Variants in MNAT1 observed in about 807,000 individuals in gnomAD.
MNAT1 encodes the protein MNAT1 component of CDK activating kinase, also known as CDK-activating kinase assembly factor MAT1.
MNAT1 carries 43 observed loss-of-function variants against 42.0 expected under a neutral mutation model. That is an observed-to-expected ratio of 1.02 (90% CI 0.80 to 1.32). The LOEUF (loss-of-function observed/expected upper bound fraction) is 1.32. MNAT1 is among the 40% of genes most tolerant of loss of function. The pLI is 0.00. For synonymous variants in MNAT1, 118 were observed against 120.0 expected (o/e 0.98, Z 0.11); for missense variants, 306 against 350.4 (o/e 0.87, Z 1.01).
intron 5 of MNAT1, among the ~76,000 whole-genome samples, chr14:60,817,938 T>C (rs2032765046): frequency 6.6e-6 from 1 of 151,732 alleles, no homozygotes; most frequent in Non-Finnish European, 1.5e-5. Flanking sequence ...GAGAGATCTC[T>C]TCTTCCTCCT....
intron 7 of MNAT1, among the ~76,000 whole-genome samples, chr14:60,891,456 G>GTT (rs551603665): frequency 6.9e-6 from 1 of 145,558 alleles, no homozygotes; most frequent in Non-Finnish European, 1.5e-5. Context: ...TGTTTTGTTT[G>GTT]TTTTTTTTTT....
Position 60,960,740 on chromosome 14 carries a change from A to C in MNAT1, c.810-7489A>C, listed in dbSNP as rs897373396. Among the ~76,000 whole-genome samples the C allele has an allele frequency of 2.8e-4, 42 of 149,988 alleles. 2 individuals are homozygous for C. In the Middle Eastern group the frequency reaches 0.024, roughly 86 times the overall value. On this transcript the variant is annotated intron_variant, in intron 7 of 7. Coordinates refer to ENST00000261245, the MANE Select transcript of MNAT1 (RefSeq NM_002431.4). The stretch of plus-strand genomic sequence containing the variant: ...TTCTCCTTCCCACCCTCATATTCCC[A>C]CCCCCATATCCACCCACTCACTCAC...
At chr14:60,737,670 C>A (rs1220590084) in intron 1 of MNAT1, among the ~76,000 whole-genome samples, 2 of 151,758 alleles carry the variant, frequency 1.3e-5, no homozygotes, top group East Asian at 1.9e-4. Flanking sequence ...AAGGTAATGT[C>A]CAGTAGTAGA....
At chr14:60,764,637 G>T (rs902922959) in intron 1 of MNAT1, among the ~76,000 whole-genome samples, 1 of 152,112 alleles carries the variant, frequency 6.6e-6, no homozygotes, top group Non-Finnish European at 1.5e-5. Context: ...AAGAAGAAGC[G>T]GTCTAAGATA....
chr14:60,932,730 A>G (rs1367736023), intron 7 of MNAT1, among the ~76,000 whole-genome samples: 2 of 151,980 alleles, frequency 1.3e-5, no homozygotes, highest in Non-Finnish European at 2.9e-5. Context: ...GTTGTTATCT[A>G]TTTCTTATCC....
chr14:60,780,543 C>T (rs1475336634), intron 1 of MNAT1: 27 of 1,539,138 alleles, frequency 1.8e-5, no homozygotes, highest in Non-Finnish European at 2.2e-5. Flanking sequence ...TTTACTACTA[C>T]AATCCACAAA....
intron 3 of MNAT1, among the ~76,000 whole-genome samples, chr14:60,807,215 A>G (rs2032399615): frequency 6.6e-6 from 1 of 152,188 alleles, no homozygotes; most frequent in South Asian, 2.1e-4. Flanking sequence ...GAAATTATAG[A>G]TCAAACTGGT....
chr14:60,931,736 C>CATAT (rs796073819), intron 7 of MNAT1, among the ~76,000 whole-genome samples: 3 of 151,408 alleles, frequency 2.0e-5, no homozygotes, highest in Non-Finnish European at 4.4e-5. Context: ...TACTTTAATG[C>CATAT]ATATATATAT....
chr14:60,849,572 A>C (rs1263688540), intron 6 of MNAT1, among the ~76,000 whole-genome samples: 3 of 152,294 alleles, frequency 2.0e-5, no homozygotes, highest in African/African-American at 7.2e-5. Context: ...CTTAAGACTG[A>C]AGAGCATTTT....
intron 3 of MNAT1, among the ~76,000 whole-genome samples, chr14:60,806,785 A>G (rs1167695716): frequency 2.0e-5 from 3 of 152,164 alleles, no homozygotes; most frequent in Non-Finnish European, 4.4e-5. Context: ...AGATCATTGG[A>G]TTTGGTTGCT....
At chr14:60,946,041 TC>T (rs2036267710) in intron 7 of MNAT1, among the ~76,000 whole-genome samples, 1 of 152,338 alleles carries the variant, frequency 6.6e-6, no homozygotes, top group African/African-American at 2.4e-5. Context: ...GAAAGGCCTG[TC>T]CTGCTTTTGA....
chr14:60,758,297 C>A (rs1194834604), intron 1 of MNAT1, among the ~76,000 whole-genome samples: 1 of 151,430 alleles, frequency 6.6e-6, no homozygotes, highest in East Asian at 1.9e-4. Context: ...GCCTTGACTT[C>A]AGGGCTCAAG....
intron 5 of MNAT1, among the ~76,000 whole-genome samples, chr14:60,818,334 G>A (rs1266406443): frequency 6.6e-6 from 1 of 151,910 alleles, no homozygotes; most frequent in Non-Finnish European, 1.5e-5. Context: ...AATCTAATGG[G>A]AAACAATTTC....
chr14:60,931,251 G>C (rs1237765816), intron 7 of MNAT1, among the ~76,000 whole-genome samples: 1 of 152,132 alleles, frequency 6.6e-6, no homozygotes, highest in Non-Finnish European at 1.5e-5. Flanking sequence ...TAGGGTTCAG[G>C]CTTCCTTCAG....
intron 7 of MNAT1, among the ~76,000 whole-genome samples, chr14:60,904,976 C>CTTTTTTCTTTTTTTTT (rs2035162998): frequency 1.3e-5 from 1 of 79,010 alleles, no homozygotes; most frequent in Non-Finnish European, 2.4e-5. Flanking sequence ...TCAGCAGTTC[C>CTTTTTTCTTTTTTTTT]TTTTTTTTTT....
chr14:60,949,250 G>A (rs904537907), intron 7 of MNAT1, among the ~76,000 whole-genome samples: 1 of 152,056 alleles, frequency 6.6e-6, no homozygotes, highest in African/African-American at 2.4e-5. Flanking sequence ...ATTGTAGCGG[G>A]TTCTCTCCAA....
intron 1 of MNAT1, chr14:60,780,083 G>T: frequency 1.4e-6 from 2 of 1,462,022 alleles, no homozygotes; most frequent in Non-Finnish European, 1.9e-6. Context: ...ATATCAGCGT[G>T]GCATTTATCC....
chr14:60,917,885 C>T (rs1358890055), intron 7 of MNAT1, among the ~76,000 whole-genome samples: 3 of 152,098 alleles, frequency 2.0e-5, no homozygotes, highest in Non-Finnish European at 4.4e-5. Context: ...GCTTTGGCCT[C>T]CCAAAGTGCT....
At chr14:60,742,109 A>G (rs1409114332) in intron 1 of MNAT1, among the ~76,000 whole-genome samples, 1 of 151,788 alleles carries the variant, frequency 6.6e-6, no homozygotes, top group East Asian at 1.9e-4. Context: ...AATAAGAGAC[A>G]GGATCTCACT....
Sources: gnomAD v4.1 joint callset for allele counts (sites outside exome capture counted in the v4.1 genomes callset) on GRCh38, gnomAD v4.1.1 for gene constraint, MANE v1.5 for transcripts, NCBI Gene and HGNC (gene_info 2026-07-23, HGNC 2026-07-21) for gene names.